CYBRD1: variants seen among roughly 807,000 people sequenced by gnomAD.
The protein encoded by CYBRD1 is cytochrome b reductase 1.
In CYBRD1, 14 loss-of-function variants were observed where a neutral mutation model predicts 21.9. That is an observed-to-expected ratio of 0.64 (90% CI 0.42 to 1.00). CYBRD1 has a LOEUF of 1.00. CYBRD1 is among the 50% of genes least tolerant of loss of function. CYBRD1 has a pLI of 0.00. For missense variants in CYBRD1, 328 were observed against 352.5 expected, an observed-to-expected ratio of 0.93 and a Z score of 0.56; for synonymous variants, 146 against 136.5, an observed-to-expected ratio of 1.07 and a Z score of -0.48.
At chr2:171,524,802 C>T (rs544831123) in intron 1 of CYBRD1, among the ~76,000 whole-genome samples, 2 of 152,304 alleles carry the variant, frequency 1.3e-5, no homozygotes, top group East Asian at 1.9e-4. Context: ...ATGTTAGAGT[C>T]CAATATACGG....
chr2:171,535,392 G>C (rs1697529567), intron 1 of CYBRD1, among the ~76,000 whole-genome samples: 1 of 152,214 alleles, frequency 6.6e-6, no homozygotes, highest in African/African-American at 2.4e-5. Flanking sequence ...GGGAAAGCTA[G>C]CGTGCAGCCA....
intron 1 of CYBRD1, among the ~76,000 whole-genome samples, chr2:171,541,360 G>T (rs1201208476): frequency 6.6e-6 from 1 of 152,072 alleles, no homozygotes; most frequent in African/African-American, 2.4e-5. Context: ...GAGGCACCAA[G>T]GTTCATTCAC....
At chr2:171,545,627 G>T (rs1697701278) in intron 2 of CYBRD1, among the ~76,000 whole-genome samples, 1 of 146,514 alleles carries the variant, frequency 6.8e-6, no homozygotes, top group Non-Finnish European at 1.5e-5. Flanking sequence ...GACCTCAAAT[G>T]ATCCACCCGC....
chr2:171,526,821 T>G (rs938147349), intron 1 of CYBRD1, among the ~76,000 whole-genome samples: 1 of 152,212 alleles, frequency 6.6e-6, no homozygotes, highest in Non-Finnish European at 1.5e-5. Flanking sequence ...CGAAAAGAAG[T>G]CTTGGCAATT....
rs1248201852 is a variant in CYBRD1, at chr2:171,541,675, T to C, written c.284T>C (p.Ile95Thr). 1 of 1,613,898 alleles carries C rather than the reference T, an allele frequency of 6.2e-7. No individual in the cohort carries two copies. The highest frequency in any genetic ancestry group is 1.7e-5 in the Admixed American group (1 of 59,988). ...IHAGLNAVAA[I>T]LAIISVVAVF... ...GCAGGGTTAAATGCAGTTGCTGCCATTCTTGCAATTATCTCTGTGGTGGCC... is the reference window on the plus strand; with the variant it reads ...GCAGGGTTAAATGCAGTTGCTGCCACTCTTGCAATTATCTCTGTGGTGGCC... The change falls in exon 2 of 4, where the codon ATT becomes ACT. Residue 95 changes from isoleucine to threonine, a missense_variant. Coordinates refer to ENST00000321348, the MANE Select transcript of CYBRD1 (RefSeq NM_024843.4).
At chr2:171,542,671 A>C (rs186572045) in intron 2 of CYBRD1, among the ~76,000 whole-genome samples, 1 of 152,312 alleles carries the variant, frequency 6.6e-6, no homozygotes, top group Non-Finnish European at 1.5e-5. Flanking sequence ...TTAAGCCCAG[A>C]CGTTTGAGAT....
rs779693212 is a variant in CYBRD1 at position 171,522,600 on chromosome 2, G to A, written c.55G>A (p.Val19Ile). The part of the protein sequence containing the change: ...FLALLGSALL[V>I]GFLSVIFALV... ...GGCGCTGCTGGGGTCGGCACTGCTC[G>A]TCGGCTTCCTGTCGGTGATCTTCGC... Residue 19 changes from valine (V) to isoleucine (I), a missense_variant, in exon 1 of 4, where the codon GTC (valine) becomes ATC (isoleucine). By Grantham distance (29) the Val-to-Ile change is conservative. Transcript: ENST00000321348. This position sits in a 1 kb window ranked among gnomAD's most constrained non-coding sequence, Gnocchi z 4.3. The A allele has an allele frequency of 1.2e-6, 2 of 1,612,586 alleles. No homozygotes were observed. The highest frequency in any genetic ancestry group is 1.1e-5 in the South Asian group (1 of 90,440).
At position 171,555,111 on chromosome 2, in the gene CYBRD1, C is replaced by A; in HGVS notation, c.*284C>A. ...CACGGTGCCTTGTGCAGAATAGATACTCAATATGTGAATATGTGTCTACTA... is the reference window on the plus strand; with the variant it reads ...CACGGTGCCTTGTGCAGAATAGATAATCAATATGTGAATATGTGTCTACTA... On this transcript the variant is annotated 3_prime_UTR_variant, in exon 4 of 4. Coordinates refer to ENST00000321348, the MANE Select transcript of CYBRD1 (RefSeq NM_024843.4). The A allele has an allele frequency of 2.3e-6, 1 of 437,068 alleles. No individual in the cohort carries two copies. The highest frequency in any genetic ancestry group is 4.2e-6 in the Non-Finnish European group (1 of 238,002). The allele number at this position is 437,068 out of a possible 1,614,324, so 27.1% of individuals were successfully genotyped here.
chr2:171,552,893 C>T (rs897814784), intron 2 of CYBRD1, among the ~76,000 whole-genome samples: 7 of 152,120 alleles, frequency 4.6e-5, no homozygotes, highest in African/African-American at 1.7e-4. Flanking sequence ...TTTTCCTTCC[C>T]TTCCTACTTA....
intron 1 of CYBRD1, among the ~76,000 whole-genome samples, chr2:171,532,270 C>T (rs62181673): frequency 0.087 from 13,280 of 152,214 alleles, 714 homozygotes; most frequent in Middle Eastern, 0.17. Flanking sequence ...ATACTTTATT[C>T]AAAGAGGGAA....
Position 171,541,748 on chromosome 2 carries a change from G to T in CYBRD1, c.357G>T (p.Leu119=). The T allele has an allele frequency of 6.2e-7, 1 of 1,613,260 alleles. No homozygotes were observed. Among genetic ancestry groups the T allele is most frequent in the South Asian group, 1.1e-5 (1 of 91,050 alleles). Residue 119 remains leucine, a synonymous_variant, in exon 2 of 4, where the codon CTG becomes CTT. Coordinates refer to ENST00000321348, the MANE Select transcript of CYBRD1 (RefSeq NM_024843.4). ...ACAATATAGCCAATATGTACAGTCTGCACAGCTGGGTTGGACTGATAGCTG... is the reference window on the plus strand; with the variant it reads ...ACAATATAGCCAATATGTACAGTCTTCACAGCTGGGTTGGACTGATAGCTG... ...NVNNIANMYS[L]HSWVGLIAVI...
In CYBRD1 at chr2:171,557,926, G is replaced by A. The variant is rs1683516734; in HGVS notation, c.*3099G>A. 1 of 152,008 alleles carries A rather than the reference G, an allele frequency of 6.6e-6. No homozygotes were observed. The allele number at this position is 152,008 out of a possible 1,614,324, so 9.4% of individuals were successfully genotyped here. The stretch of plus-strand genomic sequence containing the variant: ...GAAACTGTAACTGCTATGTCTTTAG[G>A]AAAATGTAGAAGAAAGAACATTATT... On this transcript the variant is annotated 3_prime_UTR_variant, in exon 4 of 4. Coordinates refer to ENST00000321348, the MANE Select transcript of CYBRD1 (RefSeq NM_024843.4).
chr2:171,554,531 C>T lies in CYBRD1; in HGVS notation c.565C>T (p.Pro189Ser). The change falls in exon 4 of 4, where the codon CCT (proline) becomes TCT (serine). Residue 189 changes from proline (P) to serine (S), a missense_variant. Physicochemically the swap from Pro to Ser is moderately conservative, Grantham distance 74 (BLOSUM62 -1). Coordinates refer to ENST00000321348, the MANE Select transcript of CYBRD1 (RefSeq NM_024843.4). ...TEKLIFSLRD[P>S]AYSTFPPEGV... ...ACATCTCTTATTTCATAGGAGAGATCCTGCATACAGTACATTCCCGCCAGA... is the reference window on the plus strand; with the variant it reads ...ACATCTCTTATTTCATAGGAGAGATTCTGCATACAGTACATTCCCGCCAGA... 2 of 1,613,820 alleles carry T rather than the reference C, an allele frequency of 1.2e-6. No individual in the cohort carries two copies. Among genetic ancestry groups the T allele is most frequent in the Non-Finnish European group, 1.7e-6 (2 of 1,179,872 alleles).
At chr2:171,537,723 G>C (rs1697566253) in intron 1 of CYBRD1, among the ~76,000 whole-genome samples, 5 of 152,150 alleles carry the variant, frequency 3.3e-5, no homozygotes, top group Admixed American at 3.3e-4. Flanking sequence ...TCTTACAACT[G>C]CTTGTGAATC....
At chr2:171,548,673 C>G (rs1466209976) in intron 2 of CYBRD1, among the ~76,000 whole-genome samples, 2 of 131,796 alleles carry the variant, frequency 1.5e-5, no homozygotes, top group Non-Finnish European at 3.2e-5. Flanking sequence ...AAAAGCAAAC[C>G]ATACCTACTA....
chr2:171,543,579 A>G (rs1697668612), intron 2 of CYBRD1, among the ~76,000 whole-genome samples: 2 of 152,188 alleles, frequency 1.3e-5, no homozygotes, highest in Non-Finnish European at 1.5e-5. Flanking sequence ...TTTTTAAAAT[A>G]CTTTAATCAC....
At position 171,529,872 on chromosome 2, in the gene CYBRD1, A is replaced by C. The variant is rs1697438898; in HGVS notation, c.193+7134A>C. Among the ~76,000 whole-genome samples the C allele has an allele frequency of 2.6e-5, 4 of 152,134 alleles. No homozygotes were observed. The South Asian group carries it at 8.3e-4, about 32-fold the overall frequency. The stretch of plus-strand genomic sequence containing the variant: ...AGTGGGTTGAACAGTGCCCCCCAAA[A>C]AGGTATGTCTAAATCCTAATCCCAG... On this transcript the variant is annotated intron_variant, in intron 1 of 3. Transcript: ENST00000321348.
At chr2:171,528,685 C>G (rs1473077551) in intron 1 of CYBRD1, among the ~76,000 whole-genome samples, 1 of 152,228 alleles carries the variant, frequency 6.6e-6, no homozygotes, top group Non-Finnish European at 1.5e-5. Flanking sequence ...AGACTCTTCC[C>G]TGAACTCCAA....
chr2:171,533,984 G>T (rs1176035791), intron 1 of CYBRD1, among the ~76,000 whole-genome samples: 4 of 152,118 alleles, frequency 2.6e-5, no homozygotes, highest in Non-Finnish European at 4.4e-5. Context: ...GGGATTACAG[G>T]CGTGAGCCAC....
Sources: gnomAD v4.1 joint callset for allele counts (sites outside exome capture counted in the v4.1 genomes callset) on GRCh38, gnomAD v4.1.1 for gene constraint, Gnocchi (gnomAD v3.1) non-coding constraint, MANE v1.5 for transcripts, NCBI Gene and HGNC (gene_info 2026-07-23, HGNC 2026-07-21) for gene names.